Variants in PRR16 observed in about 807,000 individuals in gnomAD.
The protein encoded by PRR16 is protein Largen.
In PRR16, 6 loss-of-function variants were observed where a neutral mutation model predicts 18.2. The observed-to-expected ratio is 0.33, with a 90% CI of 0.18 to 0.65. PRR16 has a LOEUF of 0.65. Among genes scored for constraint, PRR16 ranks in the 30% least tolerant of loss-of-function variants. The pLI, the probability that PRR16 is intolerant of heterozygous loss-of-function variation, is 0.74. For synonymous variants in PRR16, 151 were observed against 147.8 expected (o/e 1.02, Z -0.16); for missense variants, 412 against 376.6 (o/e 1.09, Z -0.78).
Position 120,483,385 on chromosome 5 carries a change from T to A in PRR16, c.159+18740T>A, listed in dbSNP as rs7738005. The stretch of plus-strand genomic sequence containing the variant: ...TATTGTCTTGGCCAGAACTTTACTA[T>A]TTTTGGATTCTTCCTTTTCAAAGTA... On this transcript the variant is annotated intron_variant, in intron 1 of 1. Transcript: ENST00000407149. Among the ~76,000 whole-genome samples, 675 of 152,260 alleles carry A rather than the reference T, an allele frequency of 4.4e-3. 8 individuals are homozygous for A. Among genetic ancestry groups the A allele is most frequent in the African/African-American group, 0.016 (656 of 41,568 alleles).
chr5:120,642,924 C>T (rs1755470744), intron 1 of PRR16, among the ~76,000 whole-genome samples: 1 of 152,060 alleles, frequency 6.6e-6, no homozygotes, highest in South Asian at 2.1e-4. Flanking sequence ...TGCTGGTTTC[C>T]ATGTCTTCAT....
chr5:120,524,004 C>G (rs1362876683), intron 1 of PRR16, among the ~76,000 whole-genome samples: 1 of 152,070 alleles, frequency 6.6e-6, no homozygotes, highest in Admixed American at 6.6e-5. Flanking sequence ...TTGGCTCTGC[C>G]TTTTCCAGGA....
the PRR16 span, among the ~76,000 whole-genome samples, chr5:120,762,444 T>G: frequency 6.6e-6 from 1 of 152,152 alleles, no homozygotes; most frequent in African/African-American, 2.4e-5. Flanking sequence ...TAGTTTTGAT[T>G]TGCATTTTTG....
At chr5:120,582,234 A>T (rs533791796) in intron 1 of PRR16, among the ~76,000 whole-genome samples, 2 of 152,288 alleles carry the variant, frequency 1.3e-5, no homozygotes, top group East Asian at 3.9e-4. Flanking sequence ...GTTCTTACTT[A>T]TAAGTGGGAG....
At chr5:120,789,805 TTTAAA>T in the PRR16 span, 6 of 152,142 alleles carry the variant, frequency 3.9e-5, no homozygotes, top group Non-Finnish European at 1.5e-5. Flanking sequence ...TGTTTAGACA[TTTAAA>T]ATAAAATGCT....
intron 1 of PRR16, among the ~76,000 whole-genome samples, chr5:120,593,883 G>A (rs1451725118): frequency 6.6e-6 from 1 of 151,770 alleles, no homozygotes; most frequent in Admixed American, 6.6e-5. Flanking sequence ...ATCACATAAA[G>A]AAAATTAAAG....
At chr5:120,572,216 C>A (rs1280955373) in intron 1 of PRR16, among the ~76,000 whole-genome samples, 2 of 152,106 alleles carry the variant, frequency 1.3e-5, no homozygotes, top group Non-Finnish European at 2.9e-5. Context: ...ACCCAAATTC[C>A]ATGGCAGGGA....
the PRR16 span, among the ~76,000 whole-genome samples, chr5:120,748,219 A>T: frequency 1.3e-5 from 2 of 152,080 alleles, no homozygotes; most frequent in Non-Finnish European, 2.9e-5. Context: ...TTTAAATTAC[A>T]TGGTTTCATG....
the PRR16 span, among the ~76,000 whole-genome samples, chr5:120,783,756 C>G: frequency 6.6e-6 from 1 of 152,054 alleles, no homozygotes; most frequent in Non-Finnish European, 1.5e-5. Context: ...TGGAAATATA[C>G]AATAATTTAT....
intron 1 of PRR16, among the ~76,000 whole-genome samples, chr5:120,642,160 C>A (rs142959727): frequency 1.2e-3 from 179 of 152,172 alleles, no homozygotes; most frequent in Non-Finnish European, 2.0e-3. Context: ...ACCATTCTCA[C>A]TTATCAGTCT....
chr5:120,572,153 T>C (rs1561551821), intron 1 of PRR16, among the ~76,000 whole-genome samples: 1 of 152,174 alleles, frequency 6.6e-6, no homozygotes, highest in Admixed American at 6.5e-5. Flanking sequence ...TCTCATATTG[T>C]ATTGGTCAAA....
chr5:120,540,859 A>AAC (rs1332444009), intron 1 of PRR16, among the ~76,000 whole-genome samples: 1 of 141,076 alleles, frequency 7.1e-6, no homozygotes, highest in Non-Finnish European at 1.6e-5. Context: ...GCTACTTTCT[A>AAC]ACGTGTCATA....
the PRR16 span, among the ~76,000 whole-genome samples, chr5:120,750,988 C>G: frequency 6.6e-6 from 1 of 152,132 alleles, no homozygotes; most frequent in Non-Finnish European, 1.5e-5. Context: ...TATTCTCTGT[C>G]TCCATGAGAT....
At chr5:120,677,363 G>T (rs1315438342) in intron 1 of PRR16, among the ~76,000 whole-genome samples, 1 of 152,122 alleles carries the variant, frequency 6.6e-6, no homozygotes, top group East Asian at 1.9e-4. Flanking sequence ...TATGTCACTT[G>T]CTATCCTATA....
At chr5:120,733,847 A>G in the PRR16 span, among the ~76,000 whole-genome samples, 2 of 152,202 alleles carry the variant, frequency 1.3e-5, no homozygotes, top group African/African-American at 2.4e-5. Context: ...TGAAAAAACA[A>G]ACAAAAAAGA....
chr5:120,581,582 G>T (rs1178811955), intron 1 of PRR16, among the ~76,000 whole-genome samples: 1 of 151,798 alleles, frequency 6.6e-6, no homozygotes, highest in African/African-American at 2.4e-5. Flanking sequence ...GTTTGCTCTT[G>T]CCTCTCTGGC....
At chr5:120,775,593 C>G in the PRR16 span, among the ~76,000 whole-genome samples, 45 of 134,812 alleles carry the variant, frequency 3.3e-4, no homozygotes, top group African/African-American at 1.1e-3. Flanking sequence ...AGACATCTTT[C>G]TAAACTATAC....
intron 1 of PRR16, among the ~76,000 whole-genome samples, chr5:120,513,949 G>A (rs1019180971): frequency 9.2e-5 from 14 of 151,760 alleles, no homozygotes; most frequent in Admixed American, 6.6e-4. Context: ...TAGTAGAGAC[G>A]GAGTTTCACC....
intron 1 of PRR16, among the ~76,000 whole-genome samples, chr5:120,585,956 A>G (rs1753426969): frequency 6.6e-6 from 1 of 152,090 alleles, no homozygotes; most frequent in South Asian, 2.1e-4. Context: ...AGGGTGGATC[A>G]CAAGGTCAAG....
Sources: gnomAD v4.1 joint callset for allele counts (sites outside exome capture counted in the v4.1 genomes callset) on GRCh38, gnomAD v4.1.1 for gene constraint, MANE v1.5 for transcripts, NCBI Gene and HGNC (gene_info 2026-07-23, HGNC 2026-07-21) for gene names.